NCAM2: variants seen among roughly 807,000 people sequenced by gnomAD.
NCAM2 encodes the protein N-CAM-2.
NCAM2 carries 30 observed loss-of-function variants against 98.1 expected under a neutral mutation model. The ratio of observed to expected loss-of-function variants is 0.31; its 90% CI spans 0.23 to 0.41. NCAM2 has a LOEUF of 0.41. Among genes scored for constraint, NCAM2 ranks in the 10% least tolerant of loss-of-function variants. The pLI is 1.00. For missense variants in NCAM2, 867 were observed against 1,005.8 expected, an observed-to-expected ratio of 0.86 and a Z score of 1.87; for synonymous variants, 368 against 342.4, an observed-to-expected ratio of 1.07 and a Z score of -0.83.
At chr21:21,423,162 G>A (rs1010685768) in intron 11 of NCAM2, among the ~76,000 whole-genome samples, 9 of 152,068 alleles carry the variant, frequency 5.9e-5, no homozygotes, top group Admixed American at 1.3e-4. Context: ...ATTAATTGAT[G>A]CAGGTTTCTG....
intron 1 of NCAM2, among the ~76,000 whole-genome samples, chr21:21,025,983 G>A (rs1243405986): frequency 2.6e-5 from 4 of 152,184 alleles, no homozygotes; most frequent in Admixed American, 2.6e-4. Context: ...AATTGTGAAT[G>A]ACAACAGGAG....
At chr21:21,397,142 C>T (rs576404200) in intron 9 of NCAM2, among the ~76,000 whole-genome samples, 40 of 152,198 alleles carry the variant, frequency 2.6e-4, no homozygotes, top group East Asian at 1.2e-3. Context: ...CTGGCTGAGT[C>T]GGGGTTTTAT....
intron 1 of NCAM2, among the ~76,000 whole-genome samples, chr21:21,244,721 C>A (rs2071195587): frequency 6.6e-6 from 1 of 151,366 alleles, no homozygotes; most frequent in Non-Finnish European, 1.5e-5. Flanking sequence ...GTGGCAGGTG[C>A]CTGTAATCCC....
At chr21:21,167,814 G>A (rs577705741) in intron 1 of NCAM2, among the ~76,000 whole-genome samples, 4 of 152,034 alleles carry the variant, frequency 2.6e-5, no homozygotes, top group Admixed American at 6.6e-5. Flanking sequence ...AATTGAATCC[G>A]TAAGTAATAC....
chr21:21,068,198 G>T (rs1161033499), intron 1 of NCAM2, among the ~76,000 whole-genome samples: 1 of 142,064 alleles, frequency 7.0e-6, no homozygotes, highest in Non-Finnish European at 1.5e-5. Context: ...GTACAGTGGC[G>T]CTTGGCTCAC....
intron 1 of NCAM2, among the ~76,000 whole-genome samples, chr21:21,185,591 G>A (rs961204232): frequency 6.6e-6 from 1 of 152,058 alleles, no homozygotes; most frequent in East Asian, 1.9e-4. Flanking sequence ...TTTGAGAAAT[G>A]GTTTAGTCAC....
chr21:21,002,867 C>T (rs957032180), intron 1 of NCAM2, among the ~76,000 whole-genome samples: 2 of 151,862 alleles, frequency 1.3e-5, no homozygotes. Context: ...TTATACAATC[C>T]CAATTAAACT....
At chr21:21,354,964 T>A (rs2075432806) in intron 8 of NCAM2, among the ~76,000 whole-genome samples, 1 of 152,222 alleles carries the variant, frequency 6.6e-6, no homozygotes, top group African/African-American at 2.4e-5. Flanking sequence ...TTAGCCTAGA[T>A]CACCTGCATA....
intron 1 of NCAM2, among the ~76,000 whole-genome samples, chr21:21,057,759 G>A (rs576217364): frequency 6.6e-5 from 10 of 152,178 alleles, no homozygotes; most frequent in African/African-American, 2.4e-4. Context: ...TTACGCTATT[G>A]ACTAGCTAAA....
intron 1 of NCAM2, among the ~76,000 whole-genome samples, chr21:21,015,785 C>T (rs1439599661): frequency 6.6e-6 from 1 of 152,150 alleles, no homozygotes; most frequent in African/African-American, 2.4e-5. Flanking sequence ...CTCACTGCAA[C>T]CTCCGCCTCT....
At chr21:21,039,149 C>G (rs2064853992) in intron 1 of NCAM2, among the ~76,000 whole-genome samples, 1 of 152,086 alleles carries the variant, frequency 6.6e-6, no homozygotes, top group Non-Finnish European at 1.5e-5. Flanking sequence ...TTTCTTCTAA[C>G]TATATGTTTG....
intron 12 of NCAM2, among the ~76,000 whole-genome samples, chr21:21,433,520 A>C (rs998537874): frequency 6.6e-6 from 1 of 151,728 alleles, no homozygotes; most frequent in South Asian, 2.1e-4. Flanking sequence ...CAGGTGGATC[A>C]TGAGGTCAGG....
intron 1 of NCAM2, among the ~76,000 whole-genome samples, chr21:21,088,435 G>A (rs1312046534): frequency 6.6e-6 from 1 of 152,082 alleles, no homozygotes; most frequent in Non-Finnish European, 1.5e-5. Context: ...AAAATATGCT[G>A]GGTTGGGATT....
chr21:21,425,388 G>T (rs2077195278), intron 11 of NCAM2, among the ~76,000 whole-genome samples: 1 of 152,034 alleles, frequency 6.6e-6, no homozygotes, highest in Admixed American at 6.6e-5. Flanking sequence ...GCTCTAAATT[G>T]AATGTTTGAA....
chr21:21,363,694 T>C (rs1165479063), intron 8 of NCAM2, among the ~76,000 whole-genome samples: 1 of 152,092 alleles, frequency 6.6e-6, no homozygotes, highest in African/African-American at 2.4e-5. Flanking sequence ...AAAGGTATCA[T>C]ATAGAAAATA....
At chr21:21,322,930 C>T (rs1359720489) in intron 5 of NCAM2, among the ~76,000 whole-genome samples, 1 of 152,182 alleles carries the variant, frequency 6.6e-6, no homozygotes, top group Non-Finnish European at 1.5e-5. Flanking sequence ...AATAGAACTA[C>T]TTCACTATAC....
At chr21:21,044,773 C>T (rs1896730904) in intron 1 of NCAM2, among the ~76,000 whole-genome samples, 1 of 150,030 alleles carries the variant, frequency 6.7e-6, no homozygotes, top group African/African-American at 2.4e-5. Context: ...TGAGACCAGC[C>T]TGGGCAACAC....
intron 1 of NCAM2, among the ~76,000 whole-genome samples, chr21:21,100,142 G>A (rs1316762001): frequency 6.6e-6 from 1 of 151,866 alleles, no homozygotes; most frequent in Non-Finnish European, 1.5e-5. Flanking sequence ...AAAATTCGTG[G>A]CAGAAACCAC....
intron 1 of NCAM2, among the ~76,000 whole-genome samples, chr21:21,234,418 T>G (rs2070741350): frequency 1.3e-5 from 2 of 152,004 alleles, no homozygotes; most frequent in Non-Finnish European, 2.9e-5. Context: ...CTTGTAAGAA[T>G]ATATATTAAA....
Sources: allele counts gnomAD v4.1 joint callset (sites outside exome capture counted in the v4.1 genomes callset), GRCh38; gene constraint gnomAD v4.1.1; transcripts MANE v1.5; gene names NCBI Gene and HGNC (gene_info 2026-07-23, HGNC 2026-07-21).